Variants in GPI observed in about 807,000 individuals in gnomAD.
GPI encodes D-hexose-6-phosphate anomerase.
GPI carries 56 observed loss-of-function variants against 75.8 expected under a neutral mutation model. The observed-to-expected ratio is 0.74, with a 90% CI of 0.60 to 0.92. The LOEUF is 0.92. GPI is among the 40% of genes least tolerant of loss of function. The pLI, the probability that GPI is intolerant of heterozygous loss-of-function variation, is 0.00. For missense variants in GPI, 638 were observed against 741.0 expected, an observed-to-expected ratio of 0.86 and a Z score of 1.61; for synonymous variants, 288 against 285.4, an observed-to-expected ratio of 1.01 and a Z score of -0.09.
chr19:34,365,454 G>A, intron 1 of GPI, 66 bp downstream of exon 1: 2 of 1,514,664 alleles, frequency 1.3e-6, no homozygotes, highest in African/African-American at 1.4e-5. Context: ...CGGGCCTGGG[G>A]TCTGGAGGCG....
chr19:34,396,460 G>T, intron 13 of GPI, 30 bp downstream of exon 13: 4 of 1,613,848 alleles, frequency 2.5e-6, no homozygotes, highest in Non-Finnish European at 3.4e-6. Context: ...GAAGGGTGAT[G>T]TTGGGGGAGG....
chr19:34,361,843 G>A (rs2074303129), upstream of GPI, among the ~76,000 whole-genome samples: 1 of 152,048 alleles, frequency 6.6e-6, no homozygotes, highest in South Asian at 2.1e-4. Context: ...TAGGCCGGGT[G>A]CAGTGGCTCA....
intron 8 of GPI, chr19:34,380,995 G>A (rs561672386): frequency 3.5e-6 from 1 of 287,756 alleles, no homozygotes; most frequent in Admixed American, 4.7e-5. Flanking sequence ...GCTTCCTGGT[G>A]CAGTCACCCT....
At chr19:34,371,602 G>A (rs566873646) in intron 4 of GPI, among the ~76,000 whole-genome samples, 2 of 152,200 alleles carry the variant, frequency 1.3e-5, no homozygotes, top group Admixed American at 6.5e-5. Flanking sequence ...TGTAATCCCA[G>A]CACCTTGGGA....
In GPI at chr19:34,377,625, G is replaced by T. The variant is rs761939453; in HGVS notation, c.486+39G>T. 23 of 1,584,732 alleles carry T rather than the reference G, an allele frequency of 1.5e-5. No individual in the cohort carries two copies. In the South Asian group the frequency reaches 2.5e-4, roughly 18 times the overall value. ...TGCCTTGGGGTAGGGTGGGAGTCTGGGCACTGTTGGTCCCACTCAGGTCTT... is the reference window on the plus strand; with the variant it reads ...TGCCTTGGGGTAGGGTGGGAGTCTGTGCACTGTTGGTCCCACTCAGGTCTT... On this transcript the variant is annotated intron_variant, in intron 5 of 17. Coordinates refer to ENST00000356487, the MANE Select transcript of GPI (RefSeq NM_000175.5).
At chr19:34,388,336 A>G (rs1464782971) in intron 9 of GPI, among the ~76,000 whole-genome samples, 2 of 152,176 alleles carry the variant, frequency 1.3e-5, no homozygotes, top group African/African-American at 4.8e-5. Flanking sequence ...TTAGCCATGC[A>G]TGGTGGCACA....
At position 34,393,849 on chromosome 19, in the gene GPI, C is replaced by A; in HGVS notation, c.910-65C>A. 2 of 1,604,468 alleles carry A rather than the reference C, an allele frequency of 1.2e-6. No homozygotes were observed. Among genetic ancestry groups the A allele is most frequent in the Non-Finnish European group, 1.7e-6 (2 of 1,172,270 alleles). ...GGTCCTGGTCCCCCGCTTTCTCCCC[C>A]ACTGTCCTGTCCCTCCCCTCCCCGT... On this transcript the variant is annotated intron_variant, in intron 11 of 17. Transcript: ENST00000356487. This position sits in a 1 kb window ranked among gnomAD's most constrained non-coding sequence, Gnocchi z 4.4.
upstream of GPI, among the ~76,000 whole-genome samples, chr19:34,363,793 C>T (rs1329909993): frequency 6.6e-6 from 1 of 152,144 alleles, no homozygotes; most frequent in Non-Finnish European, 1.5e-5. Context: ...GCACTCCAGC[C>T]TGGTGACAGA....
chr19:34,366,244 G>A, intron 1 of GPI, 101 bp from the exon 2 acceptor site: 1 of 825,362 alleles, frequency 1.2e-6, no homozygotes, highest in East Asian at 2.4e-5. Context: ...GTGGGGCGTG[G>A]GTCAGGGAGG....
At chr19:34,386,813 T>G (rs1278765392) in intron 9 of GPI, among the ~76,000 whole-genome samples, 1 of 152,146 alleles carries the variant, frequency 6.6e-6, no homozygotes, top group Non-Finnish European at 1.5e-5. Context: ...CTGGCTTAGT[T>G]GTGCTGACTC....
At chr19:34,361,899 G>C (rs11880555), upstream of GPI, among the ~76,000 whole-genome samples, 1 of 151,760 alleles carries the variant, frequency 6.6e-6, no homozygotes, top group Admixed American at 6.6e-5. Context: ...GACGGATCAC[G>C]AGGTCAGGAG....
chr19:34,381,627 A>G lies in GPI; in HGVS notation c.804+108A>G, dbSNP rs991192750. ...AGTGTTTATTGAGTACCTGCTGCAT[A>G]CCTAGCTTGGGGAAAGGTAGAGAGG... On this transcript the variant is annotated intron_variant, in intron 9 of 17. Coordinates refer to ENST00000356487, the MANE Select transcript of GPI (RefSeq NM_000175.5). 6 of 843,918 alleles carry G rather than the reference A, an allele frequency of 7.1e-6. No homozygotes were observed. In the South Asian group the frequency reaches 7.9e-5, roughly 11 times the overall value. The allele number at this position is 843,918 out of a possible 1,614,324, so 52.3% of individuals were successfully genotyped here.
intron 9 of GPI, among the ~76,000 whole-genome samples, chr19:34,390,763 A>G (rs1056797308): frequency 2.7e-5 from 4 of 145,536 alleles, no homozygotes; most frequent in South Asian, 4.4e-4. Context: ...TGGCACAGGT[A>G]TGAGGATATG....
At chr19:34,378,201 T>C (rs886949349) in intron 6 of GPI, among the ~76,000 whole-genome samples, 3 of 133,318 alleles carry the variant, frequency 2.3e-5, no homozygotes, top group African/African-American at 7.5e-5. Context: ...CCTTTTCTTG[T>C]TGTTGTTTTT....
chr19:34,397,733 C>T (rs1433302450), intron 14 of GPI: 1 of 151,626 alleles, frequency 6.6e-6, no homozygotes, highest in Non-Finnish European at 1.5e-5. Flanking sequence ...TCTCCAACTC[C>T]TGGGCTCAAG....
rs140618537 is a variant in GPI at position 34,394,402 on chromosome 19, G to T, written c.1062+336G>T. ...CATGCCTACCATAGTGTCTGAGGAC[G>T]TAGGATCTAGCCCTGGTATGAGGCC... On this transcript the variant is annotated intron_variant, in intron 12 of 17. Coordinates refer to ENST00000356487, the MANE Select transcript of GPI (RefSeq NM_000175.5). Among the ~76,000 whole-genome samples, 15 of 135,228 alleles carry T rather than the reference G, an allele frequency of 1.1e-4. No homozygotes were observed. In the East Asian group the frequency reaches 2.9e-3, roughly 26 times the overall value. 88.7% of individuals were successfully genotyped at this position (135,228 alleles called of 152,430 possible).
intron 3 of GPI, among the ~76,000 whole-genome samples, chr19:34,367,570 A>G (rs1366828664): frequency 6.6e-6 from 1 of 152,160 alleles, no homozygotes; most frequent in African/African-American, 2.4e-5. Context: ...GGTGGCATGA[A>G]GCCCTCCACC....
At chr19:34,363,595 G>A (rs564606850), upstream of GPI, among the ~76,000 whole-genome samples, 107 of 152,314 alleles carry the variant, frequency 7.0e-4, no homozygotes, top group African/African-American at 2.5e-3. Context: ...GCTGAGGCAG[G>A]CGGATAATGA....
rs576510570 is a variant in GPI at position 34,391,158 on chromosome 19, GGTATGAAGCCCTGAGTCTTC to G, written c.805-2089_805-2070del. 3.5e-4 allele frequency among the ~76,000 whole-genome samples: 33 copies of G among 94,478 alleles called. No individual in the cohort carries two copies. The South Asian group carries it at 0.012, about 36-fold the overall frequency. 62.0% of individuals were successfully genotyped at this position (94,478 alleles called of 152,430 possible). Reference sequence around the variant, plus strand: ...GCCTGAGGAGATAGCATCTGGCACAGGTATGAAGCCCTGAGTCTTCTAGTGTCTGGGGAAGTGAGGCTGGG... The same window carrying G: ...GCCTGAGGAGATAGCATCTGGCACAGTAGTGTCTGGGGAAGTGAGGCTGGG... On this transcript the variant is annotated intron_variant, in intron 9 of 17. Coordinates refer to ENST00000356487, the MANE Select transcript of GPI (RefSeq NM_000175.5).
Sources: allele counts gnomAD v4.1 joint callset (sites outside exome capture counted in the v4.1 genomes callset), GRCh38; gene constraint gnomAD v4.1.1; non-coding constraint Gnocchi (gnomAD v3.1); transcripts MANE v1.5; gene names NCBI Gene and HGNC (gene_info 2026-07-23, HGNC 2026-07-21).